EREG: variants seen among roughly 807,000 people sequenced by gnomAD.
The protein encoded by EREG is proepiregulin.
A neutral mutation model predicts 22.4 loss-of-function variants in EREG; 23 were observed. That is an observed-to-expected ratio of 1.03 (90% CI 0.74 to 1.46). EREG has a LOEUF of 1.46. Among genes scored for constraint, EREG ranks in the 40% most tolerant of loss-of-function variants. The pLI, the probability that EREG is intolerant of heterozygous loss-of-function variation, is 0.00. For synonymous variants in EREG, 100 were observed against 75.4 expected (o/e 1.33, Z -1.69); for missense variants, 226 against 205.9 (o/e 1.10, Z -0.60).
intron 1 of EREG, among the ~76,000 whole-genome samples, chr4:74,373,777 T>C (rs1752333705): frequency 6.6e-6 from 1 of 151,496 alleles, no homozygotes; most frequent in Non-Finnish European, 1.5e-5. Context: ...CACACACATA[T>C]ATATACTCTC....
At chr4:74,368,453 C>A (rs1316160650) in intron 1 of EREG, among the ~76,000 whole-genome samples, 2 of 151,954 alleles carry the variant, frequency 1.3e-5, no homozygotes, top group Admixed American at 6.6e-5. Context: ...TCCTTGTATT[C>A]TTTGTATATT....
chr4:74,384,600 C>A, intron 4 of EREG, 127 bp from the exon 5 acceptor site: 1 of 494,346 alleles, frequency 2.0e-6, no homozygotes, highest in East Asian at 3.1e-5. Flanking sequence ...CATTGTCCAA[C>A]CTAAATCTGT....
Position 74,382,694 on chromosome 4 carries a change from G to A in EREG, c.328G>A (p.Val110Ile). The A allele has an allele frequency of 3.7e-6, 6 of 1,613,110 alleles. No individual in the cohort carries two copies. The highest frequency in any genetic ancestry group is 2.2e-5 in the East Asian group (1 of 44,864). ...GVRCEHFFLT[V>I]HQPLSKEYVA... ...CCGATGTGAACACTTCTTTTTAACC[G>A]TCCACCAACCTTTAAGCAAAGAATA... The change falls in exon 4 of 5, where the codon GTC becomes ATC. Residue 110 changes from valine (V) to isoleucine (I), a missense_variant. Transcript: ENST00000244869.
At chr4:74,378,758 G>C (rs932307684) in intron 1 of EREG, among the ~76,000 whole-genome samples, 4 of 152,170 alleles carry the variant, frequency 2.6e-5, no homozygotes, top group African/African-American at 4.8e-5. Context: ...AGTCATTCTT[G>C]ATATCTATGT....
In EREG at chr4:74,381,108, T is replaced by C. The variant is rs1356703091; in HGVS notation, c.249T>C (p.Tyr83=). ...NGYCLHGQCI[Y]LVDMSQNYCR... ...ATTGTTTGCATGGACAGTGCATCTATCTGGTGGACATGAGTCAAAACTACT... is the reference window on the plus strand; with the variant it reads ...ATTGTTTGCATGGACAGTGCATCTACCTGGTGGACATGAGTCAAAACTACT... The change falls in exon 3 of 5, where the codon TAT becomes TAC. Residue 83 remains tyrosine (Y), a synonymous_variant. Transcript: ENST00000244869. 1 of 1,613,282 alleles carries C rather than the reference T, an allele frequency of 6.2e-7. No individual in the cohort carries two copies.
At chr4:74,382,498 T>C (rs1578823083) in intron 3 of EREG, 147 bp from the exon 4 acceptor site, 2 of 602,572 alleles carry the variant, frequency 3.3e-6, no homozygotes, top group East Asian at 2.8e-5. Context: ...CTGGTCTAAC[T>C]CAATCTTTGA....
At chr4:74,375,336 TG>T (rs1421207870) in intron 1 of EREG, among the ~76,000 whole-genome samples, 6 of 69,400 alleles carry the variant, frequency 8.6e-5, no homozygotes, top group African/African-American at 3.0e-4. Context: ...TTTTTTTTTT[TG>T]AGAGGGAGTC....
At chr4:74,366,943 C>G (rs1752196333) in intron 1 of EREG, among the ~76,000 whole-genome samples, 1 of 152,192 alleles carries the variant, frequency 6.6e-6, no homozygotes, top group African/African-American at 2.4e-5. Flanking sequence ...TATTATATCT[C>G]TAAACTCTAT....
intron 1 of EREG, among the ~76,000 whole-genome samples, chr4:74,365,874 G>A (rs1752171512): frequency 6.6e-6 from 1 of 152,078 alleles, no homozygotes; most frequent in Non-Finnish European, 1.5e-5. Context: ...CGGAGGAGCT[G>A]GTATGCGCCA....
chr4:74,382,936 T>C, intron 4 of EREG, 142 bp downstream of exon 4: 1 of 607,392 alleles, frequency 1.6e-6, no homozygotes, highest in East Asian at 2.7e-5. Context: ...GTTGAGAAAC[T>C]ATTAAGTATT....
intron 1 of EREG, among the ~76,000 whole-genome samples, chr4:74,373,546 A>G (rs1397833386): frequency 6.6e-6 from 1 of 151,026 alleles, no homozygotes; most frequent in Non-Finnish European, 1.5e-5. Flanking sequence ...TTAAAAATAT[A>G]TAGGAATAGA....
chr4:74,387,910 A>G lies in EREG; in HGVS notation c.*3102A>G, dbSNP rs982719217. 3.3e-5 allele frequency: 5 copies of G among 152,190 alleles called. No individual in the cohort carries two copies. Among genetic ancestry groups the G allele is most frequent in the African/African-American group, 1.2e-4 (5 of 41,438 alleles). 9.4% of individuals were successfully genotyped at this position (152,190 alleles called of 1,614,324 possible). On this transcript the variant is annotated 3_prime_UTR_variant, in exon 5 of 5. Coordinates refer to ENST00000244869, the MANE Select transcript of EREG (RefSeq NM_001432.3). ...TAACCTTAAAATTAAGATTTCCTTA[A>G]CCTTAACCTTAAAATTGATATTATA...
chr4:74,385,709 C>A lies in EREG; in HGVS notation c.*901C>A, dbSNP rs944444266. Reference sequence around the variant, plus strand: ...TTATAGGGGCTTTGCTGAATTCTAACATTAAATCACAGCCCAAAATTTGAT... The same window carrying A: ...TTATAGGGGCTTTGCTGAATTCTAAAATTAAATCACAGCCCAAAATTTGAT... On this transcript the variant is annotated 3_prime_UTR_variant, in exon 5 of 5. Transcript: ENST00000244869. 8.3e-5 allele frequency: 31 copies of A among 373,984 alleles called. No homozygotes were observed. Among genetic ancestry groups the A allele is most frequent in the African/African-American group, 6.2e-4 (30 of 48,250 alleles). The allele number at this position is 373,984 out of a possible 1,614,324, so 23.2% of individuals were successfully genotyped here.
chr4:74,365,251 G>A lies in EREG; in HGVS notation c.-58G>A, dbSNP rs1332994574. ...CCGCGAGCCCGTCTGCTCCCGCCCT[G>A]CCCGTGCACTCTCCGCAGCCGCCCT... On this transcript the variant is annotated 5_prime_UTR_variant, in exon 1 of 5. Coordinates refer to ENST00000244869, the MANE Select transcript of EREG (RefSeq NM_001432.3). 25 of 1,417,948 alleles carry A rather than the reference G, an allele frequency of 1.8e-5. No individual in the cohort carries two copies. Among genetic ancestry groups the A allele is most frequent in the Non-Finnish European group, 2.5e-5 (25 of 1,020,344 alleles). The allele number at this position is 1,417,948 out of a possible 1,614,324, so 87.8% of individuals were successfully genotyped here.
In EREG at chr4:74,377,020, CT is replaced by C. The variant is rs201332127; in HGVS notation, c.68-2425del. Among the ~76,000 whole-genome samples, 1,290 of 152,196 alleles carry C rather than the reference CT, an allele frequency of 8.5e-3. 14 individuals are homozygous for C. Among genetic ancestry groups the C allele is most frequent in the Non-Finnish European group, 0.011 (762 of 67,996 alleles). ...AATTCTTGTATTACACGAATTAAAT[CT>C]TTCTTTACAGTACCAAATTACAGAG... On this transcript the variant is annotated intron_variant, in intron 1 of 4. Transcript: ENST00000244869.
chr4:74,374,658 G>A (rs1000219567), intron 1 of EREG, among the ~76,000 whole-genome samples: 2 of 152,104 alleles, frequency 1.3e-5, no homozygotes, highest in Admixed American at 6.5e-5. Flanking sequence ...GTGCTCCAGG[G>A]CCCACGACAT....
At position 74,387,760 on chromosome 4, in the gene EREG, G is replaced by A. The variant is rs893985127; in HGVS notation, c.*2952G>A. ...AGGGGCTATGCATATTCAATGTATT[G>A]AGAACCAAAGCAACCACAAATGCAT... On this transcript the variant is annotated 3_prime_UTR_variant, in exon 5 of 5. Coordinates refer to ENST00000244869, the MANE Select transcript of EREG (RefSeq NM_001432.3). The A allele has an allele frequency of 6.6e-6, 1 of 152,106 alleles. No homozygotes were observed. The highest frequency in any genetic ancestry group is 2.4e-5 in the African/African-American group (1 of 41,416). The allele number at this position is 152,106 out of a possible 1,614,324, so 9.4% of individuals were successfully genotyped here.
chr4:74,368,014 A>C (rs1237633929), intron 1 of EREG, among the ~76,000 whole-genome samples: 1 of 152,206 alleles, frequency 6.6e-6, no homozygotes, highest in Non-Finnish European at 1.5e-5. Context: ...TAGCCCAGTG[A>C]AGTCAAGTAC....
intron 1 of EREG, among the ~76,000 whole-genome samples, chr4:74,365,801 G>GA (rs1752170035): frequency 6.6e-6 from 1 of 151,920 alleles, no homozygotes; most frequent in African/African-American, 2.4e-5. Flanking sequence ...TTGGAGGGGG[G>GA]AAAAAGCTTT....
Sources: gnomAD v4.1 joint callset for allele counts (sites outside exome capture counted in the v4.1 genomes callset) on GRCh38, gnomAD v4.1.1 for gene constraint, MANE v1.5 for transcripts, NCBI Gene and HGNC (gene_info 2026-07-23, HGNC 2026-07-21) for gene names.